The following DIAPH2 variants were observed in gnomAD, a reference collection of about 807,000 sequenced individuals.
DIAPH2 encodes diaphanous related formin 2.
Under a neutral mutation model 92.7 loss-of-function variants are expected in DIAPH2, and 35 were observed. That is an observed-to-expected ratio of 0.38 (90% CI 0.29 to 0.50). The LOEUF (loss-of-function observed/expected upper bound fraction) is 0.50. DIAPH2 is among the 20% of genes least tolerant of loss of function. DIAPH2 has a pLI of 0.94. For synonymous variants in DIAPH2, 301 were observed against 280.4 expected, an observed-to-expected ratio of 1.07 and a Z score of -0.73; for missense variants, 701 against 819.5, an observed-to-expected ratio of 0.86 and a Z score of 1.77.
At chrX:97,176,541 T>C (rs1331084786) in intron 22 of DIAPH2, among the ~76,000 whole-genome samples, 1 of 93,668 alleles carries the variant, frequency 1.1e-5, no homozygotes, top group Admixed American at 1.1e-4. Context: ...TTTGTTTTGT[T>C]TTTTGAGACG....
chrX:97,268,918 G>A (rs1352655611), intron 23 of DIAPH2, among the ~76,000 whole-genome samples: 1 of 97,683 alleles, frequency 1.0e-5, no homozygotes, highest in Non-Finnish European at 2.0e-5. Context: ...GTGCAGTGGT[G>A]CAATCTCGGC....
At chrX:97,280,339 G>A (rs1203228652) in intron 23 of DIAPH2, among the ~76,000 whole-genome samples, 2 of 110,130 alleles carry the variant, frequency 1.8e-5, no homozygotes, top group African/African-American at 3.3e-5. Context: ...TTAGCCCACC[G>A]TGGTGGCGGG....
chrX:96,807,944 CAAAAAAAAAAAAAAAAAAAAAAAAAAA>C (rs541681495), intron 4 of DIAPH2, among the ~76,000 whole-genome samples: 1 of 14,473 alleles, frequency 6.9e-5, no homozygotes, highest in Non-Finnish European at 1.2e-4. Context: ...GTAGAAATAG[CAAAAAAAAAAAAAAAAAAAAAAAAAAA>C]AAAAAAAAAA....
At chrX:97,486,048 G>A (rs1221918475) in intron 26 of DIAPH2, among the ~76,000 whole-genome samples, 3 of 109,248 alleles carry the variant, frequency 2.7e-5, no homozygotes, top group Non-Finnish European at 5.7e-5. Flanking sequence ...AATGCTATTA[G>A]CAGGCTATGA....
At chrX:97,274,685 C>G (rs1343791995) in intron 23 of DIAPH2, among the ~76,000 whole-genome samples, 1 of 101,593 alleles carries the variant, frequency 9.8e-6, no homozygotes, top group Non-Finnish European at 2.0e-5. Flanking sequence ...GGGTGTTTCT[C>G]GTATAGGGGG....
intron 16 of DIAPH2, among the ~76,000 whole-genome samples, chrX:96,962,480 C>T (rs189134268): frequency 0.47 from 19,197 of 40,779 alleles, 3,216 homozygotes; most frequent in South Asian, 0.59. Context: ...TATATATATA[C>T]ACACACACAC....
chrX:97,155,105 C>T (rs2067312465), intron 22 of DIAPH2, among the ~76,000 whole-genome samples: 1 of 112,231 alleles, frequency 8.9e-6, no homozygotes, highest in African/African-American at 3.2e-5. Flanking sequence ...GTATTCTCAG[C>T]AGTAGTACAG....
At chrX:96,708,094 CT>C (rs752941650) in intron 1 of DIAPH2, among the ~76,000 whole-genome samples, 2 of 110,566 alleles carry the variant, frequency 1.8e-5, no homozygotes, top group Non-Finnish European at 3.8e-5. Context: ...GTCTCTTCCT[CT>C]TTTCTGACCA....
At chrX:97,254,053 G>T (rs1209335277) in intron 23 of DIAPH2, among the ~76,000 whole-genome samples, 1 of 111,866 alleles carries the variant, frequency 8.9e-6, no homozygotes, top group East Asian at 2.8e-4. Flanking sequence ...GGCAGGCAAG[G>T]CTAATAAGAT....
At chrX:97,382,867 G>GT (rs2069563729) in intron 24 of DIAPH2, among the ~76,000 whole-genome samples, 1 of 112,372 alleles carries the variant, frequency 8.9e-6, no homozygotes, top group African/African-American at 3.2e-5. Flanking sequence ...GCAAAGCCTT[G>GT]TAGACGTATT....
intron 25 of DIAPH2, among the ~76,000 whole-genome samples, chrX:97,400,402 G>A (rs919149589): frequency 9.0e-6 from 1 of 111,017 alleles, no homozygotes; most frequent in African/African-American, 3.3e-5. Flanking sequence ...GCTCTCCTAA[G>A]GTATAATTGA....
chrX:97,110,039 G>A (rs2066968664), intron 20 of DIAPH2, among the ~76,000 whole-genome samples: 1 of 111,823 alleles, frequency 8.9e-6, no homozygotes, highest in African/African-American at 3.2e-5. Flanking sequence ...CATTATAACT[G>A]AAGACATTAT....
intron 23 of DIAPH2, among the ~76,000 whole-genome samples, chrX:97,263,343 C>T (rs902369061): frequency 1.7e-4 from 19 of 111,359 alleles, no homozygotes; most frequent in Non-Finnish European, 3.0e-4. Context: ...TCTCAATTAT[C>T]TGGAATTCTA....
chrX:97,274,989 C>T, intron 23 of DIAPH2, among the ~76,000 whole-genome samples: 1 of 112,082 alleles, frequency 8.9e-6, no homozygotes, highest in Admixed American at 9.5e-5. Context: ...CATCCCAAGG[C>T]AGAAGAATCT....
chrX:96,687,582 G>A (rs2063778080), intron 1 of DIAPH2, among the ~76,000 whole-genome samples: 1 of 110,451 alleles, frequency 9.1e-6, no homozygotes, highest in Non-Finnish European at 1.9e-5. Flanking sequence ...TGGGATTACA[G>A]GCACGTGCCA....
At chrX:97,298,629 T>TA (rs1461855532) in intron 23 of DIAPH2, among the ~76,000 whole-genome samples, 11 of 104,251 alleles carry the variant, frequency 1.1e-4, no homozygotes, top group African/African-American at 3.8e-4. Flanking sequence ...TTTTTTTTTT[T>TA]ATTGAAACGG....
chrX:97,398,855 C>A (rs916189970), intron 25 of DIAPH2, among the ~76,000 whole-genome samples: 5 of 107,074 alleles, frequency 4.7e-5, no homozygotes, highest in Admixed American at 2.0e-4. Context: ...AATTCCAATT[C>A]TCTGCCTCAG....
At chrX:97,506,729 C>A (rs111849009) in intron 26 of DIAPH2, among the ~76,000 whole-genome samples, 1 of 111,031 alleles carries the variant, frequency 9.0e-6, no homozygotes, top group Non-Finnish European at 1.9e-5. Flanking sequence ...AGTCTTGTAA[C>A]CCTGACTATC....
chrX:96,813,105 A>T (rs183356477), intron 4 of DIAPH2, among the ~76,000 whole-genome samples: 1 of 111,208 alleles, frequency 9.0e-6, no homozygotes, highest in African/African-American at 3.3e-5. Flanking sequence ...TGATCTGTCT[A>T]ATGTTGACAG....
Sources: gnomAD v4.1 joint callset for allele counts (sites outside exome capture counted in the v4.1 genomes callset) on GRCh38, gnomAD v4.1.1 for gene constraint, MANE v1.5 for transcripts, NCBI Gene and HGNC (gene_info 2026-07-23, HGNC 2026-07-21) for gene names.